SLC20A1: variants seen among roughly 807,000 people sequenced by gnomAD.
The protein encoded by SLC20A1 is sodium-dependent phosphate transporter 1.
In SLC20A1, 28 loss-of-function variants were observed where a neutral mutation model predicts 62.7. The observed-to-expected ratio is 0.45, with a 90% CI of 0.33 to 0.61. SLC20A1 has a LOEUF of 0.61. Ranked by LOEUF, SLC20A1 falls within the 20% of genes least tolerant of loss-of-function variation. The pLI, the probability that SLC20A1 is intolerant of heterozygous loss-of-function variation, is 0.02. For synonymous variants in SLC20A1, 305 were observed against 302.9 expected, an observed-to-expected ratio of 1.01 and a Z score of -0.07; for missense variants, 673 against 838.6, an observed-to-expected ratio of 0.80 and a Z score of 2.44.
chr2:112,656,188 C>CTT lies in SLC20A1; in HGVS notation c.659-910_659-909dup, dbSNP rs367841545. On this transcript the variant is annotated intron_variant, in intron 5 of 10. Transcript: ENST00000272542. ...AACTTTGTGTGTGAGAAAGACAAAA[C>CTT]TTTTTTTTTTTTTTTTTTTTTTTTT... Among the ~76,000 whole-genome samples the CTT allele has an allele frequency of 2.7e-3, 244 of 90,568 alleles. 1 individual carries two copies. Among genetic ancestry groups the CTT allele is most frequent in the African/African-American group, 7.0e-3 (163 of 23,306 alleles). 59.4% of individuals were successfully genotyped at this position (90,568 alleles called of 152,430 possible). A position where few individuals can be genotyped will look rare whatever the true frequency, so the allele number is the denominator to read the frequency against.
chr2:112,662,276 A>G (rs1373351271), intron 10 of SLC20A1, among the ~76,000 whole-genome samples: 3 of 152,198 alleles, frequency 2.0e-5, no homozygotes, highest in Admixed American at 6.5e-5. Flanking sequence ...TTACAATGCA[A>G]TTTGTTATTA....
At position 112,647,354 on chromosome 2, in the gene SLC20A1, T is replaced by A. The variant is rs745739611; in HGVS notation, c.365T>A (p.Phe122Tyr). 2.5e-6 allele frequency: 4 copies of A among 1,613,824 alleles called. No homozygotes were observed. ...GSAVWQLVASFLKLPISGTHC... is the reference protein window; with the variant it reads ...GSAVWQLVASYLKLPISGTHC... Reference sequence around the variant, plus strand: ...GCTGTGTGGCAACTCGTGGCTTCGTTTTTGAAGCTCCCTATTTCTGGAACC... The same window carrying A: ...GCTGTGTGGCAACTCGTGGCTTCGTATTTGAAGCTCCCTATTTCTGGAACC... Residue 122 changes from phenylalanine (F) to tyrosine (Y), a missense_variant, in exon 3 of 11, where the codon TTT becomes TAT. Phe to Tyr is a conservative substitution (Grantham distance 22). Transcript: ENST00000272542.
intron 4 of SLC20A1, among the ~76,000 whole-genome samples, chr2:112,650,601 G>A (rs892968420): frequency 6.6e-6 from 1 of 151,842 alleles, no homozygotes; most frequent in African/African-American, 2.4e-5. Context: ...AAAGTGCTGG[G>A]ATTACAGGCT....
chr2:112,654,802 A>G lies in SLC20A1; in HGVS notation c.658+2004A>G, dbSNP rs146178024. Among the ~76,000 whole-genome samples the G allele has an allele frequency of 6.4e-3, 965 of 150,664 alleles. 8 individuals are homozygous for G. Among genetic ancestry groups the G allele is most frequent in the African/African-American group, 0.023 (924 of 41,050 alleles). ...TCCCAGCTACTTCGGAGGCTGAGGCAGGAGAATCACTTGAGCCTGGTAGGC... is the reference window on the plus strand; with the variant it reads ...TCCCAGCTACTTCGGAGGCTGAGGCGGGAGAATCACTTGAGCCTGGTAGGC... On this transcript the variant is annotated intron_variant, in intron 5 of 10. Transcript: ENST00000272542.
intron 5 of SLC20A1, among the ~76,000 whole-genome samples, chr2:112,654,336 G>T (rs576050985): frequency 2.0e-5 from 3 of 152,256 alleles, no homozygotes; most frequent in Non-Finnish European, 2.9e-5. Flanking sequence ...CTCCCATGAT[G>T]CTCTTAACAC....
chr2:112,659,470 G>C lies in SLC20A1; in HGVS notation c.1315G>C (p.Glu439Gln). Reference sequence around the variant, plus strand: ...GGATTCATTCCGTGCCAAAGAAGGTGAACAGAAGGGCGAAGAAATGGAGAA... The same window carrying C: ...GGATTCATTCCGTGCCAAAGAAGGTCAACAGAAGGGCGAAGAAATGGAGAA... Reference protein sequence around the residue: ...PLDSFRAKEGEQKGEEMEKLT... With the variant: ...PLDSFRAKEGQQKGEEMEKLT... Residue 439 changes from glutamate to glutamine, a missense_variant, in exon 8 of 11, where the codon GAA becomes CAA. Coordinates refer to ENST00000272542, the MANE Select transcript of SLC20A1 (RefSeq NM_005415.5). 1 of 1,614,202 alleles carries C rather than the reference G, an allele frequency of 6.2e-7. No individual in the cohort carries two copies. Among genetic ancestry groups the C allele is most frequent in the African/African-American group, 1.3e-5 (1 of 75,056 alleles).
chr2:112,659,618 T>G lies in SLC20A1; in HGVS notation c.1463T>G (p.Met488Arg), dbSNP rs767378891. ...SEIDMSVKAE[M>R]GLGDRKGSNG... ...ATAGACATGAGTGTCAAGGCAGAGA[T>G]GGGTCTAGGTGACAGAAAAGGAAGT... Residue 488 changes from methionine to arginine, a missense_variant, in exon 8 of 11, where the codon ATG becomes AGG. By Grantham distance (91) the Met-to-Arg change is moderately conservative. Transcript: ENST00000272542. 6.2e-7 allele frequency: 1 copy of G among 1,614,208 alleles called. No homozygotes were observed. The highest frequency in any genetic ancestry group is 2.2e-5 in the East Asian group (1 of 44,884).
intron 8 of SLC20A1, 60 bp from the exon 9 acceptor site, chr2:112,660,327 G>T: frequency 7.0e-7 from 1 of 1,436,636 alleles, no homozygotes; most frequent in African/African-American, 1.4e-5. Context: ...CAGCAGATTG[G>T]GTCTTGCCAA....
At position 112,659,376 on chromosome 2, in the gene SLC20A1, C is replaced by T. The variant is rs148054695; in HGVS notation, c.1221C>T (p.Ser407=). The T allele has an allele frequency of 4.5e-5, 72 of 1,614,088 alleles. No individual in the cohort carries two copies. In the African/African-American group the frequency reaches 6.0e-4, roughly 13 times the overall value. Reference sequence around the variant, plus strand: ...AGGTGGGAGATTGCATGGGAGACTCCGGTGACAAACCCTTAAGGCGCAATA... The same window carrying T: ...AGGTGGGAGATTGCATGGGAGACTCTGGTGACAAACCCTTAAGGCGCAATA... ...LAKVGDCMGD[S]GDKPLRRNNS... is the part of the protein sequence containing the mutation. Residue 407 remains serine (S), a synonymous_variant, in exon 8 of 11, where the codon TCC becomes TCT. Transcript: ENST00000272542.
In SLC20A1 at chr2:112,659,208, A is replaced by C. The variant is rs1171143233; in HGVS notation, c.1053A>C (p.Ala351=). The C allele has an allele frequency of 6.2e-7, 1 of 1,612,478 alleles. No homozygotes were observed. Among genetic ancestry groups the C allele is most frequent in the South Asian group, 1.1e-5 (1 of 91,046 alleles). ...CACCTTGGTGATCTTGACTAGGTGC[A>C]GTGCAGTTGCCTAATGGGAACCTTG... ...ETSIDSTVNG[A]VQLPNGNLVQ... The change falls in exon 8 of 11, where the codon GCA becomes GCC. Residue 351 remains alanine, a synonymous_variant. Transcript: ENST00000272542.
chr2:112,652,412 G>A, intron 4 of SLC20A1: 1 of 443,006 alleles, frequency 2.3e-6, no homozygotes. Context: ...TAGGGCTTTT[G>A]GGTACCTTAG....
chr2:112,648,538 G>T (rs188089818), intron 4 of SLC20A1, among the ~76,000 whole-genome samples: 19 of 152,304 alleles, frequency 1.2e-4, no homozygotes, highest in African/African-American at 4.6e-4. Flanking sequence ...AAATCTGAGG[G>T]AGATAGCATA....
rs1686310112 is a variant in SLC20A1 at position 112,647,334 on chromosome 2, G to A, written c.345G>A (p.Val115=). 6.2e-7 allele frequency: 1 copy of A among 1,613,644 alleles called. No homozygotes were observed. The highest frequency in any genetic ancestry group is 8.5e-7 in the Non-Finnish European group (1 of 1,179,868). Residue 115 remains valine, a synonymous_variant, in exon 3 of 11, where the codon GTG becomes GTA. Coordinates refer to ENST00000272542, the MANE Select transcript of SLC20A1 (RefSeq NM_005415.5). The part of the protein sequence containing the change: ...GSVSAMFGSA[V]WQLVASFLKL... ...TTTACTATGTTTCAGGTTCTGCTGT[G>A]TGGCAACTCGTGGCTTCGTTTTTGA...
intron 4 of SLC20A1, among the ~76,000 whole-genome samples, chr2:112,648,971 A>G (rs922362257): frequency 3.3e-5 from 5 of 152,248 alleles, no homozygotes; most frequent in African/African-American, 4.8e-5. Flanking sequence ...GCAGAGAGTC[A>G]GAAGCATTAG....
At chr2:112,657,611 G>T (rs182758045) in intron 6 of SLC20A1, among the ~76,000 whole-genome samples, 137 of 152,292 alleles carry the variant, frequency 9.0e-4, no homozygotes, top group African/African-American at 3.2e-3. Context: ...TGAAAAATAA[G>T]GGGTAGATAC....
At position 112,646,817 on chromosome 2, in the gene SLC20A1, C is replaced by T; in HGVS notation, c.-12C>T. On this transcript the variant is annotated 5_prime_UTR_variant, in exon 2 of 11. Coordinates refer to ENST00000272542, the MANE Select transcript of SLC20A1 (RefSeq NM_005415.5). ...CAGTAGTTCTCTTACTAAACAACCA[C>T]TACTCCAGAGAATGGCAACGCTGAT... The T allele has an allele frequency of 6.3e-7, 1 of 1,596,224 alleles. No homozygotes were observed. Among genetic ancestry groups the T allele is most frequent in the Non-Finnish European group, 8.6e-7 (1 of 1,168,094 alleles).
intron 4 of SLC20A1, among the ~76,000 whole-genome samples, chr2:112,648,315 T>C (rs926246841): frequency 1.3e-5 from 2 of 152,260 alleles, no homozygotes; most frequent in African/African-American, 4.8e-5. Flanking sequence ...CCTGTCCATT[T>C]GAAAATCCCT....
rs549748005 is a variant in SLC20A1, at chr2:112,646,746, G to A, written c.-83G>A. ...TATATAATATATATTATTTATTATA[G>A]CATTTTTGATACCTCATATTCTGTT... On this transcript the variant is annotated 5_prime_UTR_variant, in exon 2 of 11. Transcript: ENST00000272542. 5.8e-4 allele frequency: 429 copies of A among 743,540 alleles called. 1 individual carries two copies. The highest frequency in any genetic ancestry group is 8.5e-4 in the Non-Finnish European group (398 of 466,874). The allele number at this position is 743,540 out of a possible 1,614,324, so 46.1% of individuals were successfully genotyped here.
chr2:112,662,237 A>C (rs1234584435), intron 10 of SLC20A1, among the ~76,000 whole-genome samples: 3 of 152,212 alleles, frequency 2.0e-5, no homozygotes, highest in Non-Finnish European at 4.4e-5. Context: ...GTTTAATATC[A>C]GCCACTCTGT....
Sources: gnomAD v4.1 joint callset for allele counts (sites outside exome capture counted in the v4.1 genomes callset) on GRCh38, gnomAD v4.1.1 for gene constraint, MANE v1.5 for transcripts, NCBI Gene and HGNC (gene_info 2026-07-23, HGNC 2026-07-21) for gene names.